Variants in ALG1L2 observed in about 807,000 individuals in gnomAD.
ALG1L2 encodes ALG1 chitobiosyldiphosphodolichol beta-mannosyltransferase like 2.
In ALG1L2, 32 loss-of-function variants were observed where a neutral mutation model predicts 29.0. The ratio of observed to expected loss-of-function variants is 1.10; its 90% confidence interval spans 0.83 to 1.48. The LOEUF (loss-of-function observed/expected upper bound fraction) is 1.48. Ranked by LOEUF, ALG1L2 falls within the 40% of genes most tolerant of loss-of-function variation. The pLI, the probability that ALG1L2 is intolerant of heterozygous loss-of-function variation, is 0.00. For missense variants in ALG1L2, 318 were observed against 274.1 expected, an observed-to-expected ratio of 1.16 and a Z score of -1.13; for synonymous variants, 110 against 109.5, an observed-to-expected ratio of 1.00 and a Z score of -0.03.
intron 1 of ALG1L2, among the ~76,000 whole-genome samples, chr3:130,089,678 T>A (rs1327451218): frequency 6.6e-6 from 1 of 152,308 alleles, no homozygotes; most frequent in African/African-American, 2.4e-5. Flanking sequence ...TATATTTCTA[T>A]TGGACAGCTC....
chr3:130,084,459 T>C (rs1934849331), intron 1 of ALG1L2, among the ~76,000 whole-genome samples: 1 of 142,950 alleles, frequency 7.0e-6, no homozygotes, highest in Non-Finnish European at 1.6e-5. Context: ...TTTTATTATC[T>C]CAAGTGACCA....
rs1349144070 is a variant in ALG1L2, at chr3:130,093,059, A to G, written c.254-42A>G. The G allele has an allele frequency of 2.0e-6, 3 of 1,536,568 alleles. No homozygotes were observed. The South Asian group carries it at 3.6e-5, about 19-fold the overall frequency. Reference sequence around the variant, plus strand: ...AAAAAAAAAAAAAAAAAAAAATTAAATCAGAAATTCCATGTAGAATTGTTT... The same window carrying G: ...AAAAAAAAAAAAAAAAAAAAATTAAGTCAGAAATTCCATGTAGAATTGTTT... On this transcript the variant is annotated intron_variant, in intron 3 of 7. Coordinates refer to ENST00000425059, the MANE Select transcript of ALG1L2 (RefSeq NM_001136152.1).
intron 6 of ALG1L2, among the ~76,000 whole-genome samples, 183 bp downstream of exon 6, chr3:130,096,346 G>T (rs1355872688): frequency 6.6e-6 from 1 of 152,090 alleles, no homozygotes; most frequent in Non-Finnish European, 1.5e-5. Context: ...TGAAGTAGTT[G>T]CTTCCATTTA....
At chr3:130,097,147 T>C in intron 6 of ALG1L2, 28 bp from the exon 7 acceptor site, 1 of 1,611,428 alleles carries the variant, frequency 6.2e-7, no homozygotes, top group East Asian at 2.2e-5. Flanking sequence ...TCCAGGAAAC[T>C]CTCGGGCTCC....
chr3:130,092,070 C>A (rs758335016), intron 2 of ALG1L2, 31 bp from the exon 3 acceptor site: 12 of 1,611,064 alleles, frequency 7.4e-6, no homozygotes, highest in African/African-American at 1.3e-5. Context: ...TGCTCTGTGG[C>A]CTCTCACAGG....
intron 2 of ALG1L2, chr3:130,091,752 G>T: frequency 1.7e-6 from 1 of 591,414 alleles, no homozygotes; most frequent in Non-Finnish European, 3.2e-6. Context: ...GGCTAAGGAA[G>T]GGAACTTTGT....
Position 130,092,095 on chromosome 3 carries a change from CT to C in ALG1L2, c.132-4del, listed in dbSNP as rs1935028722. 1 of 1,613,316 alleles carries C rather than the reference CT, an allele frequency of 6.2e-7. No homozygotes were observed. Among genetic ancestry groups the C allele is most frequent in the Non-Finnish European group, 8.5e-7 (1 of 1,179,792 alleles). Reference sequence around the variant, plus strand: ...CCTCTCACAGGGTTTTTTTCTGCTCCTTCAGCTCAGAACCTGAGGACCCAGA... The same window carrying C: ...CCTCTCACAGGGTTTTTTTCTGCTCCTCAGCTCAGAACCTGAGGACCCAGA... On this transcript the variant is annotated splice_polypyrimidine_tract_variant and splice_region_variant and intron_variant, in intron 2 of 7. Coordinates refer to ENST00000425059, the MANE Select transcript of ALG1L2 (RefSeq NM_001136152.1).
chr3:130,082,228 A>C (rs151168829), intron 1 of ALG1L2, among the ~76,000 whole-genome samples, 192 bp downstream of exon 1: 1 of 142,032 alleles, frequency 7.0e-6, no homozygotes. Context: ...AGATGAATTC[A>C]TGGGTGTTTG....
chr3:130,094,619 G>C, intron 5 of ALG1L2, 106 bp downstream of exon 5: 1 of 1,256,036 alleles, frequency 8.0e-7, no homozygotes, highest in Non-Finnish European at 1.1e-6. Context: ...GAGGCCACTT[G>C]GGGACAGGAC....
chr3:130,089,506 AG>A (rs1934963566), intron 1 of ALG1L2: 2 of 152,280 alleles, frequency 1.3e-5, no homozygotes, highest in Non-Finnish European at 1.5e-5. Context: ...GAAAAAAAAA[AG>A]AACATAAAAT....
In ALG1L2 at chr3:130,093,132, C is replaced by A. The variant is rs1443481698; in HGVS notation, c.285C>A (p.Asn95Lys). 3 of 1,610,402 alleles carry A rather than the reference C, an allele frequency of 1.9e-6. No homozygotes were observed. Among genetic ancestry groups the A allele is most frequent in the African/African-American group, 1.3e-5 (1 of 74,500 alleles). Residue 95 changes from asparagine to lysine, a missense_variant, in exon 4 of 8, where the codon AAC becomes AAA. Asn to Lys is a moderately conservative substitution (Grantham distance 94). Transcript: ENST00000425059. ...EFEQLTLDGQ[N>K]LPSLVCVITG... ...AACAACTGACTCTTGACGGACAGAA[C>A]CTTCCTTCTCTCGTCTGTGTGATAA...
chr3:130,097,510 G>T (rs1448197402), intron 7 of ALG1L2, among the ~76,000 whole-genome samples: 1 of 152,230 alleles, frequency 6.6e-6, no homozygotes, highest in African/African-American at 2.4e-5. Flanking sequence ...GCTGGAGCCG[G>T]GTGGGCCAGG....
rs376548272 is a variant in ALG1L2, at chr3:130,094,142, G to T, written c.314-261G>T. On this transcript the variant is annotated intron_variant, in intron 4 of 7. Transcript: ENST00000425059. ...GTGGGTGGTCGCGTGCCAGGCCAGT[G>T]CTTACCCCGCCTTGTTTGCAGCCCG... 6.1e-4 allele frequency: 314 copies of T among 514,792 alleles called. 6 individuals carry two copies. Among genetic ancestry groups the T allele is most frequent in the South Asian group, 5.7e-3 (283 of 49,222 alleles). The allele number at this position is 514,792 out of a possible 1,614,324, so 31.9% of individuals were successfully genotyped here.
rs1023562312 is a variant in ALG1L2 at position 130,083,014 on chromosome 3, T to C, written c.20+978T>C. On this transcript the variant is annotated intron_variant, in intron 1 of 7. Coordinates refer to ENST00000425059, the MANE Select transcript of ALG1L2 (RefSeq NM_001136152.1). Reference sequence around the variant, plus strand: ...CTGATTCCCTGTAGTAACCAACCACTTCCACTGGAACTGATGACATAGGAG... The same window carrying C: ...CTGATTCCCTGTAGTAACCAACCACCTCCACTGGAACTGATGACATAGGAG... Among the ~76,000 whole-genome samples the C allele has an allele frequency of 6.0e-5, 8 of 132,532 alleles. 1 individual carries two copies. Among genetic ancestry groups the C allele is most frequent in the African/African-American group, 2.0e-4 (8 of 39,422 alleles). 86.9% of individuals were successfully genotyped at this position (132,532 alleles called of 152,430 possible).
intron 4 of ALG1L2, 184 bp from the exon 5 acceptor site, chr3:130,094,219 T>C (rs10934906): frequency 0.62 from 420,384 of 678,840 alleles, 135,372 homozygotes; most frequent in Middle Eastern, 0.74. Context: ...AGGGTGCACA[T>C]ACCCCTGCAG....
intron 1 of ALG1L2, among the ~76,000 whole-genome samples, chr3:130,090,266 G>C (rs1221970014): frequency 6.6e-6 from 1 of 152,302 alleles, no homozygotes; most frequent in Non-Finnish European, 1.5e-5. Context: ...TGAGGCAGGA[G>C]AATCACTTGA....
chr3:130,095,572 G>A (rs1559788765), intron 5 of ALG1L2, among the ~76,000 whole-genome samples: 1 of 151,706 alleles, frequency 6.6e-6, no homozygotes, highest in Non-Finnish European at 1.5e-5. Context: ...GAGTAGCGGG[G>A]ATTACAGGCA....
At position 130,096,181 on chromosome 3, in the gene ALG1L2, A is replaced by G; in HGVS notation, c.539+18A>G. ...TTCAAGTGGTAGGAGCAGAACCCGA[A>G]TTTTTTCTGGGGATAGCTTCACAGA... On this transcript the variant is annotated intron_variant, in intron 6 of 7. Transcript: ENST00000425059. The G allele has an allele frequency of 6.2e-7, 1 of 1,610,720 alleles. No individual in the cohort carries two copies. Among genetic ancestry groups the G allele is most frequent in the Non-Finnish European group, 8.5e-7 (1 of 1,179,274 alleles).
At chr3:130,084,289 T>TC (rs752320888) in intron 1 of ALG1L2, among the ~76,000 whole-genome samples, 4 of 86,072 alleles carry the variant, frequency 4.6e-5, no homozygotes, top group East Asian at 8.2e-4. Flanking sequence ...GAGACCCCAT[T>TC]TCCCCCCCTC....
Sources: gnomAD v4.1 joint callset for allele counts (sites outside exome capture counted in the v4.1 genomes callset) on GRCh38, gnomAD v4.1.1 for gene constraint, MANE v1.5 for transcripts, NCBI Gene and HGNC (gene_info 2026-07-23, HGNC 2026-07-21) for gene names.